Variants in UNC13C observed in about 807,000 individuals in gnomAD.
UNC13C encodes protein unc-13 homolog C.
In UNC13C, 174 loss-of-function variants were observed where a neutral mutation model predicts 245.4. The observed-to-expected ratio is 0.71, with a 90% CI of 0.63 to 0.80. The LOEUF (loss-of-function observed/expected upper bound fraction) is 0.80, where lower values mean the gene tolerates loss of function less well. UNC13C is among the 30% of genes least tolerant of loss of function. UNC13C has a pLI of 0.00. For missense variants in UNC13C, 2,829 were observed against 2,602.9 expected (o/e 1.09, Z -1.89); for synonymous variants, 992 against 895.1 (o/e 1.11, Z -1.93).
At chr15:54,522,207 A>G (rs1184336342) in intron 24 of UNC13C, among the ~76,000 whole-genome samples, 1 of 152,090 alleles carries the variant, frequency 6.6e-6, no homozygotes, top group Non-Finnish European at 1.5e-5. Context: ...GCGGTGGCTC[A>G]CGCCTGTAAT....
intron 14 of UNC13C, among the ~76,000 whole-genome samples, chr15:54,330,566 A>T (rs2038411995): frequency 6.6e-6 from 1 of 152,024 alleles, no homozygotes; most frequent in African/African-American, 2.4e-5. Flanking sequence ...CAGAGATAAG[A>T]TAAGGCATCC....
intron 25 of UNC13C, among the ~76,000 whole-genome samples, chr15:54,528,436 G>T (rs1308455426): frequency 6.6e-6 from 1 of 151,596 alleles, no homozygotes; most frequent in African/African-American, 2.4e-5. Context: ...GTGGCTCCTT[G>T]GGTGCTCCGA....
chr15:54,294,340 G>A (rs1461869064), intron 11 of UNC13C, among the ~76,000 whole-genome samples: 2 of 152,086 alleles, frequency 1.3e-5, no homozygotes, highest in Non-Finnish European at 2.9e-5. Flanking sequence ...AATTTTTAAT[G>A]TATGAAATAC....
chr15:54,201,189 A>G (rs2034510249), intron 4 of UNC13C, among the ~76,000 whole-genome samples: 1 of 152,104 alleles, frequency 6.6e-6, no homozygotes, highest in Non-Finnish European at 1.5e-5. Flanking sequence ...GCCAACAACA[A>G]AAATGTCCAG....
intron 30 of UNC13C, among the ~76,000 whole-genome samples, chr15:54,601,719 T>A: frequency 6.6e-6 from 1 of 152,034 alleles, no homozygotes. Flanking sequence ...CCTTTCCCTG[T>A]CCCCCATTCC....
chr15:54,345,615 A>C (rs558266128), intron 17 of UNC13C, among the ~76,000 whole-genome samples: 6 of 152,318 alleles, frequency 3.9e-5, no homozygotes, highest in African/African-American at 1.4e-4. Context: ...ACTCACGGAT[A>C]TTTGGATATT....
intron 2 of UNC13C, among the ~76,000 whole-genome samples, chr15:54,072,555 G>A (rs1221335144): frequency 6.6e-6 from 1 of 152,182 alleles, no homozygotes; most frequent in African/African-American, 2.4e-5. Flanking sequence ...GACTTGCGTA[G>A]ATAACACAAG....
Position 54,553,842 on chromosome 15 carries a change from T to G in UNC13C, c.5878-1590T>G, listed in dbSNP as rs1896977932. ...ACATTGTTAAACCAGTCAAGATTGA[T>G]GAAGCCAGATAAATTTATTTAATAG... On this transcript the variant is annotated intron_variant, in intron 28 of 32. Transcript: ENST00000260323. 2.6e-5 allele frequency among the ~76,000 whole-genome samples: 4 copies of G among 151,956 alleles called. No homozygotes were observed. The Admixed American group carries it at 2.6e-4, about 10-fold the overall frequency.
intron 28 of UNC13C, among the ~76,000 whole-genome samples, chr15:54,552,762 A>ATATAATATATAATATAT: frequency 3.8e-5 from 3 of 79,626 alleles, no homozygotes; most frequent in Non-Finnish European, 6.4e-5. Flanking sequence ...ACAATATATA[A>ATATAATATATAATATAT]TATATAGTAC....
the UNC13C span, among the ~76,000 whole-genome samples, chr15:53,927,382 A>G: frequency 6.6e-6 from 1 of 152,178 alleles, no homozygotes; most frequent in Non-Finnish European, 1.5e-5. Context: ...AAGAGTCCAG[A>G]TAAGAAATGA....
At chr15:54,063,642 G>C (rs1897943151) in intron 2 of UNC13C, among the ~76,000 whole-genome samples, 1 of 152,106 alleles carries the variant, frequency 6.6e-6, no homozygotes, top group Non-Finnish European at 1.5e-5. Context: ...CTGCAAAGAA[G>C]ATTCTGTCTT....
At chr15:53,903,507 C>A in the UNC13C span, among the ~76,000 whole-genome samples, 1 of 152,210 alleles carries the variant, frequency 6.6e-6, no homozygotes, top group African/African-American at 2.4e-5. Flanking sequence ...GTGACAATAT[C>A]TCCATGTGGA....
intron 22 of UNC13C, among the ~76,000 whole-genome samples, chr15:54,503,567 G>T (rs1894328225): frequency 6.6e-6 from 1 of 151,460 alleles, no homozygotes; most frequent in Non-Finnish European, 1.5e-5. Flanking sequence ...AGAGTAGCTG[G>T]GATTACAGGT....
intron 2 of UNC13C, among the ~76,000 whole-genome samples, chr15:54,133,207 A>T (rs1026271740): frequency 4.6e-5 from 7 of 152,148 alleles, no homozygotes; most frequent in Non-Finnish European, 8.8e-5. Flanking sequence ...TTACTTATAT[A>T]TGAAGGAAAA....
At chr15:54,567,427 C>T (rs1268744553) in intron 29 of UNC13C, among the ~76,000 whole-genome samples, 1 of 152,176 alleles carries the variant, frequency 6.6e-6, no homozygotes, top group African/African-American at 2.4e-5. Flanking sequence ...ATTTTGACAA[C>T]CCTTGGTATT....
intron 19 of UNC13C, among the ~76,000 whole-genome samples, chr15:54,445,001 T>C (rs1178940062): frequency 2.4e-5 from 3 of 126,564 alleles, no homozygotes; most frequent in African/African-American, 8.9e-5. Context: ...GTGTGTGATG[T>C]TCCCCTTCCT....
chr15:54,207,606 C>T (rs1426782214), intron 4 of UNC13C, among the ~76,000 whole-genome samples: 1 of 151,992 alleles, frequency 6.6e-6, no homozygotes, highest in Non-Finnish European at 1.5e-5. Flanking sequence ...AACTGAAGTA[C>T]CCATTAAAGA....
chr15:54,016,622 C>G (rs557173759), intron 2 of UNC13C, among the ~76,000 whole-genome samples: 1 of 152,292 alleles, frequency 6.6e-6, no homozygotes, highest in African/African-American at 2.4e-5. Flanking sequence ...ATTTTAATTG[C>G]TTTCTTGTGG....
At chr15:54,123,752 C>T (rs1897074) in intron 2 of UNC13C, among the ~76,000 whole-genome samples, 48,341 of 151,884 alleles carry the variant, frequency 0.32, 7,816 homozygotes, top group Admixed American at 0.36. Context: ...TTTTATCACA[C>T]GTGTAAATTG....
Sources: allele counts gnomAD v4.1 joint callset (sites outside exome capture counted in the v4.1 genomes callset), GRCh38; gene constraint gnomAD v4.1.1; transcripts MANE v1.5; gene names NCBI Gene and HGNC (gene_info 2026-07-23, HGNC 2026-07-21).